The following NEGR1 variants were observed in gnomAD, a reference collection of about 807,000 sequenced individuals.
NEGR1 encodes the protein IgLON family member 4.
NEGR1 carries 10 observed loss-of-function variants against 40.9 expected under a neutral mutation model. That is an observed-to-expected ratio of 0.24 (90% CI 0.15 to 0.42). NEGR1 has a LOEUF of 0.42. NEGR1 is among the 10% of genes least tolerant of loss of function. The pLI is 1.00. For synonymous variants in NEGR1, 185 were observed against 166.8 expected (o/e 1.11, Z -0.84); for missense variants, 352 against 438.9 (o/e 0.80, Z 1.77).
At position 71,484,435 on chromosome 1, in the gene NEGR1, A is replaced by AT. The variant is rs1306368908; in HGVS notation, c.941-76866dup. Among the ~76,000 whole-genome samples the AT allele has an allele frequency of 8.6e-5, 13 of 151,864 alleles. No individual in the cohort carries two copies. The South Asian group carries it at 2.3e-3, about 27-fold the overall frequency. Reference sequence around the variant, plus strand: ...TTCCTTCAAAATAGTGATCATTTGCATTTAGTTGGCAGTACAAATTTATCT... The same window carrying AT: ...TTCCTTCAAAATAGTGATCATTTGCATTTTAGTTGGCAGTACAAATTTATCT... On this transcript the variant is annotated intron_variant, in intron 6 of 6. Transcript: ENST00000357731.
intron 3 of NEGR1, among the ~76,000 whole-genome samples, chr1:71,760,696 AT>A (rs560993501): frequency 3.3e-5 from 5 of 151,750 alleles, no homozygotes; most frequent in African/African-American, 9.7e-5. Context: ...GTTTTACTGA[AT>A]TTTTTTTTCT....
At chr1:72,097,116 C>CT (rs763590882) in intron 1 of NEGR1, among the ~76,000 whole-genome samples, 131 of 152,254 alleles carry the variant, frequency 8.6e-4, no homozygotes, top group Admixed American at 2.2e-3. Flanking sequence ...CTCTTAAAGT[C>CT]TTACTGACTT....
chr1:71,730,759 A>G (rs1218716473), intron 3 of NEGR1, among the ~76,000 whole-genome samples: 1 of 151,790 alleles, frequency 6.6e-6, no homozygotes, highest in African/African-American at 2.4e-5. Context: ...CAATATTCAC[A>G]AACATCTGTT....
intron 6 of NEGR1, among the ~76,000 whole-genome samples, chr1:71,487,245 G>T (rs1354696733): frequency 6.6e-6 from 1 of 151,548 alleles, no homozygotes; most frequent in Non-Finnish European, 1.5e-5. Context: ...CTAACACTTT[G>T]TCTAATGTCA....
chr1:71,884,900 T>C (rs552076036), intron 2 of NEGR1, among the ~76,000 whole-genome samples: 2 of 152,314 alleles, frequency 1.3e-5, no homozygotes, highest in East Asian at 3.9e-4. Flanking sequence ...TTTTTCTAGG[T>C]GTATGAAATA....
intron 6 of NEGR1, among the ~76,000 whole-genome samples, chr1:71,447,316 T>C (rs1049457215): frequency 1.1e-4 from 17 of 152,198 alleles, no homozygotes; most frequent in Admixed American, 1.0e-3. Context: ...ACCCTTCATG[T>C]AATCCACCCA....
intron 1 of NEGR1, among the ~76,000 whole-genome samples, chr1:72,281,697 A>G (rs1656258601): frequency 6.6e-6 from 1 of 152,104 alleles, no homozygotes; most frequent in African/African-American, 2.4e-5. Flanking sequence ...AGAAAATATG[A>G]GAAGAAATTT....
At chr1:71,415,024 T>C (rs186852682) in intron 6 of NEGR1, among the ~76,000 whole-genome samples, 100 of 152,268 alleles carry the variant, frequency 6.6e-4, no homozygotes, top group Admixed American at 5.6e-3. Flanking sequence ...TTGTCTTCTT[T>C]AGAAGAAGTC....
At chr1:71,530,921 C>A (rs2101443663) in intron 6 of NEGR1, among the ~76,000 whole-genome samples, 1 of 150,896 alleles carries the variant, frequency 6.6e-6, no homozygotes, top group Non-Finnish European at 1.5e-5. Flanking sequence ...ATTTTTCCCC[C>A]AAATTTAACC....
chr1:71,543,903 T>G (rs1647800508), intron 6 of NEGR1, among the ~76,000 whole-genome samples: 1 of 151,688 alleles, frequency 6.6e-6, no homozygotes, highest in Admixed American at 6.6e-5. Context: ...TTAAGTTGGA[T>G]AGAATGTTTA....
chr1:72,092,752 G>A (rs1648546709), intron 1 of NEGR1, among the ~76,000 whole-genome samples: 1 of 152,082 alleles, frequency 6.6e-6, no homozygotes, highest in Middle Eastern at 3.4e-3. Flanking sequence ...CCAGGCTTGG[G>A]TGATCCTACC....
At chr1:71,926,994 A>G (rs1346052199) in intron 2 of NEGR1, among the ~76,000 whole-genome samples, 1 of 152,188 alleles carries the variant, frequency 6.6e-6, no homozygotes, top group Non-Finnish European at 1.5e-5. Flanking sequence ...TCTGAATATT[A>G]GAATATTTAG....
chr1:71,686,178 A>G (rs989108644), intron 4 of NEGR1, among the ~76,000 whole-genome samples: 1 of 152,162 alleles, frequency 6.6e-6, no homozygotes, highest in Non-Finnish European at 1.5e-5. Flanking sequence ...AAAATTTTGA[A>G]GTAAGATGTG....
chr1:71,788,513 A>G (rs547859718), intron 2 of NEGR1, among the ~76,000 whole-genome samples: 1 of 152,276 alleles, frequency 6.6e-6, no homozygotes, highest in East Asian at 1.9e-4. Flanking sequence ...AAATTGTTTT[A>G]TACTGGGGCT....
At chr1:72,270,314 G>T (rs1655799655) in intron 1 of NEGR1, among the ~76,000 whole-genome samples, 1 of 151,822 alleles carries the variant, frequency 6.6e-6, no homozygotes, top group African/African-American at 2.4e-5. Flanking sequence ...TATGCATTTT[G>T]CAAATATGCA....
intron 1 of NEGR1, among the ~76,000 whole-genome samples, chr1:72,149,458 G>C (rs1004848927): frequency 1.3e-5 from 2 of 152,018 alleles, no homozygotes; most frequent in Non-Finnish European, 2.9e-5. Context: ...AAAATCTTCC[G>C]TTCTATGTCA....
chr1:71,427,922 C>T (rs1438192084), intron 6 of NEGR1, among the ~76,000 whole-genome samples: 1 of 151,992 alleles, frequency 6.6e-6, no homozygotes, highest in Non-Finnish European at 1.5e-5. Context: ...TACAGTAGGA[C>T]AAAGAATAAT....
chr1:71,485,108 T>C (rs1011793524), intron 6 of NEGR1, among the ~76,000 whole-genome samples: 2 of 151,678 alleles, frequency 1.3e-5, no homozygotes, highest in Non-Finnish European at 3.0e-5. Flanking sequence ...TCCCATGAGA[T>C]GATTGACCTT....
At chr1:71,903,738 C>A (rs1207759447) in intron 2 of NEGR1, among the ~76,000 whole-genome samples, 1 of 151,796 alleles carries the variant, frequency 6.6e-6, no homozygotes, top group African/African-American at 2.4e-5. Flanking sequence ...TGTACACACA[C>A]ACACACATCC....
Sources: gnomAD v4.1 joint callset for allele counts (sites outside exome capture counted in the v4.1 genomes callset) on GRCh38, gnomAD v4.1.1 for gene constraint, MANE v1.5 for transcripts, NCBI Gene and HGNC (gene_info 2026-07-23, HGNC 2026-07-21) for gene names.